Variants in KCND2 observed in about 807,000 individuals in gnomAD.
KCND2 encodes A-type voltage-gated potassium channel KCND2.
A neutral mutation model predicts 54.4 loss-of-function variants in KCND2; 16 were observed. The observed-to-expected ratio is 0.29, with a 90% CI of 0.20 to 0.45. KCND2 has a LOEUF of 0.45. Among genes scored for constraint, KCND2 ranks in the 20% least tolerant of loss-of-function variants. KCND2 has a pLI of 1.00. For synonymous variants in KCND2, 317 were observed against 310.7 expected (o/e 1.02, Z -0.21); for missense variants, 486 against 824.2 (o/e 0.59, Z 5.02).
intron 1 of KCND2, among the ~76,000 whole-genome samples, chr7:120,503,221 A>G: frequency 6.6e-6 from 1 of 152,080 alleles, no homozygotes; most frequent in Non-Finnish European, 1.5e-5. Context: ...TGTTGGAAGC[A>G]TATTGTGTGA....
chr7:120,407,425 T>C (rs1801378581), intron 1 of KCND2, among the ~76,000 whole-genome samples: 1 of 151,970 alleles, frequency 6.6e-6, no homozygotes, highest in African/African-American at 2.4e-5. Context: ...CATGCAATAA[T>C]AAGACTCCAA....
intron 1 of KCND2, among the ~76,000 whole-genome samples, chr7:120,436,617 C>G (rs1034694783): frequency 1.3e-5 from 2 of 152,180 alleles, no homozygotes; most frequent in Non-Finnish European, 2.9e-5. Flanking sequence ...TCCTCCAGGA[C>G]TCTGTCTACA....
At chr7:120,385,350 G>A (rs1313094334) in intron 1 of KCND2, among the ~76,000 whole-genome samples, 3 of 151,884 alleles carry the variant, frequency 2.0e-5, no homozygotes, top group African/African-American at 7.3e-5. Flanking sequence ...TGAATATCTT[G>A]AATGCATAAA....
intron 1 of KCND2, among the ~76,000 whole-genome samples, chr7:120,461,242 G>A (rs1802279977): frequency 6.6e-6 from 1 of 152,276 alleles, no homozygotes; most frequent in South Asian, 2.1e-4. Flanking sequence ...CAGATAATTA[G>A]CATTGGTGGC....
chr7:120,345,022 A>G (rs1800293818), intron 1 of KCND2, among the ~76,000 whole-genome samples: 1 of 152,184 alleles, frequency 6.6e-6, no homozygotes. Context: ...GGTCAAAGAG[A>G]GAAGCCCTCA....
intron 1 of KCND2, among the ~76,000 whole-genome samples, chr7:120,669,876 A>T (rs1206804218): frequency 6.6e-6 from 1 of 152,152 alleles, no homozygotes; most frequent in Non-Finnish European, 1.5e-5. Flanking sequence ...CAGTAATAAT[A>T]AAGGCTAGAG....
intron 1 of KCND2, among the ~76,000 whole-genome samples, chr7:120,416,184 G>C (rs1368292539): frequency 1.3e-5 from 2 of 152,048 alleles, no homozygotes; most frequent in African/African-American, 4.8e-5. Flanking sequence ...AGAGAGTTTT[G>C]AAAAGCTAAT....
intron 1 of KCND2, among the ~76,000 whole-genome samples, chr7:120,653,481 G>A (rs1791764397): frequency 6.6e-6 from 1 of 152,122 alleles, no homozygotes; most frequent in Non-Finnish European, 1.5e-5. Context: ...CTGAGAGATG[G>A]CTTCATTAGT....
chr7:120,495,731 G>A (rs1351421383), intron 1 of KCND2, among the ~76,000 whole-genome samples: 1 of 152,132 alleles, frequency 6.6e-6, no homozygotes, highest in Non-Finnish European at 1.5e-5. Context: ...AAAGAAAGGT[G>A]AAGACAACAG....
intron 5 of KCND2, among the ~76,000 whole-genome samples, chr7:120,747,095 TTC>T (rs2116193755): frequency 6.6e-6 from 1 of 152,274 alleles, no homozygotes; most frequent in African/African-American, 2.4e-5. Context: ...GTGTATATCC[TTC>T]TCTCTCATTT....
chr7:120,741,014 T>C (rs188487352), intron 2 of KCND2: 57 of 335,972 alleles, frequency 1.7e-4, no homozygotes, highest in African/African-American at 1.1e-3. Context: ...AATTTTATAT[T>C]GGAGGATGCA....
intron 1 of KCND2, among the ~76,000 whole-genome samples, chr7:120,656,293 A>C (rs948804153): frequency 6.6e-6 from 1 of 152,160 alleles, no homozygotes; most frequent in African/African-American, 2.4e-5. Flanking sequence ...TACCGAAAAT[A>C]CTTAAGGATA....
chr7:120,583,759 G>A (rs1792550412), intron 1 of KCND2, among the ~76,000 whole-genome samples: 1 of 143,672 alleles, frequency 7.0e-6, no homozygotes, highest in South Asian at 2.4e-4. Context: ...GAGATACAGG[G>A]GTTAGGAATT....
chr7:120,452,829 T>G (rs1370684965), intron 1 of KCND2, among the ~76,000 whole-genome samples: 2 of 152,132 alleles, frequency 1.3e-5, no homozygotes, highest in African/African-American at 4.8e-5. Context: ...CTAGGAGACT[T>G]TAGCCATGGG....
intron 1 of KCND2, among the ~76,000 whole-genome samples, chr7:120,388,878 T>G (rs542787933): frequency 1.3e-3 from 142 of 110,588 alleles, no homozygotes; most frequent in Admixed American, 2.3e-3. Context: ...TTTATATCAT[T>G]TATATATACA....
chr7:120,599,771 T>A (rs1298864768), intron 1 of KCND2, among the ~76,000 whole-genome samples: 1 of 152,046 alleles, frequency 6.6e-6, no homozygotes, highest in Non-Finnish European at 1.5e-5. Context: ...TATTTCTTTG[T>A]CTTTGATCTG....
intron 1 of KCND2, among the ~76,000 whole-genome samples, chr7:120,694,100 G>A (rs1792305171): frequency 1.3e-5 from 2 of 152,182 alleles, no homozygotes. Flanking sequence ...TGCTTTGAAG[G>A]AATTAGACTC....
intron 1 of KCND2, among the ~76,000 whole-genome samples, chr7:120,292,789 G>A (rs1026211907): frequency 2.0e-5 from 3 of 151,814 alleles, no homozygotes; most frequent in African/African-American, 7.3e-5. Context: ...GGTGATACTT[G>A]GAGAAAACTA....
chr7:120,479,453 T>C (rs1042581632), intron 1 of KCND2, among the ~76,000 whole-genome samples: 1 of 151,936 alleles, frequency 6.6e-6, no homozygotes, highest in African/African-American at 2.4e-5. Flanking sequence ...GTGAAAATTA[T>C]ACCAAATGTT....
Sources: gnomAD v4.1 joint callset for allele counts (sites outside exome capture counted in the v4.1 genomes callset) on GRCh38, gnomAD v4.1.1 for gene constraint, MANE v1.5 for transcripts, NCBI Gene and HGNC (gene_info 2026-07-23, HGNC 2026-07-21) for gene names.